The following PTPN14 variants were observed in gnomAD, a reference collection of about 807,000 sequenced individuals.
PTPN14 encodes the protein tyrosine-protein phosphatase non-receptor type 14.
In PTPN14, 53 loss-of-function variants were observed where a neutral mutation model predicts 126.8. That is an observed-to-expected ratio of 0.42 (90% CI 0.34 to 0.53). The LOEUF is 0.53. Among genes scored for constraint, PTPN14 ranks in the 20% least tolerant of loss-of-function variants. The pLI is 0.08. For synonymous variants in PTPN14, 630 were observed against 599.3 expected, an observed-to-expected ratio of 1.05 and a Z score of -0.75; for missense variants, 1,257 against 1,552.9, an observed-to-expected ratio of 0.81 and a Z score of 3.20.
chr1:214,380,001 C>T (rs751571923), intron 13 of PTPN14, among the ~76,000 whole-genome samples: 1 of 152,242 alleles, frequency 6.6e-6, no homozygotes, highest in African/African-American at 2.4e-5. Context: ...TACCCAAGGA[C>T]TTACCACCAA....
Position 214,386,708 on chromosome 1 carries a change from T to C in PTPN14, c.1066+136A>G, listed in dbSNP as rs12058304. 11,590 of 938,944 alleles carry C rather than the reference T, an allele frequency of 0.012. 838 individuals carry two copies. The African/African-American group carries it at 0.16, about 13-fold the overall frequency. 58.2% of individuals were successfully genotyped at this position (938,944 alleles called of 1,614,324 possible). On this transcript the variant is annotated intron_variant, in intron 12 of 18. Coordinates refer to ENST00000366956, the MANE Select transcript of PTPN14 (RefSeq NM_005401.5). ...GTCTAGGCCTTCCACAAACTGAAGC[T>C]GTTAGCTACTGTCATTCAGACGATG... is the stretch of plus-strand genomic sequence containing the variant.
rs1277246625 is a variant in PTPN14 at position 214,352,533 on chromosome 1, G to A, written c.*5389C>T. On this transcript the variant is annotated 3_prime_UTR_variant, in exon 19 of 19. Transcript: ENST00000366956. ...CCACATTTCTCCCTGGCACGTTGCT[G>A]TTACTTTCAACAGACGCCATCTGTA... The A allele has an allele frequency of 2.6e-5, 4 of 152,112 alleles. No homozygotes were observed. The highest frequency in any genetic ancestry group is 5.9e-5 in the Non-Finnish European group (4 of 68,040). 9.4% of individuals were successfully genotyped at this position (152,112 alleles called of 1,614,324 possible).
rs1480800267 is a variant in PTPN14 at position 214,392,183 on chromosome 1, GGAGAGAGAGAAA to G, written c.930-1150_930-1139del. Among the ~76,000 whole-genome samples the G allele has an allele frequency of 2.6e-5, 4 of 151,952 alleles. No individual in the cohort carries two copies. The East Asian group carries it at 7.7e-4, about 29-fold the overall frequency. ...TGAACTGCATATGGAATTTAATGGG[GGAGAGAGAGAAA>G]GAGAGAGAGAGAGCGAGAGAGAGTA... On this transcript the variant is annotated intron_variant, in intron 10 of 18. Transcript: ENST00000366956.
At chr1:214,392,185 A>G (rs2102550801) in intron 10 of PTPN14, among the ~76,000 whole-genome samples, 1 of 152,128 alleles carries the variant, frequency 6.6e-6, no homozygotes, top group African/African-American at 2.4e-5. Context: ...TTAATGGGGG[A>G]GAGAGAGAAA....
intron 3 of PTPN14, among the ~76,000 whole-genome samples, chr1:214,449,847 A>T (rs1355287957): frequency 2.0e-5 from 1 of 48,920 alleles, no homozygotes; most frequent in African/African-American, 5.0e-5. Context: ...AAATAAAAAT[A>T]AAAAAAAAAG....
intron 1 of PTPN14, among the ~76,000 whole-genome samples, chr1:214,514,395 G>A (rs1189164897): frequency 2.0e-5 from 3 of 152,116 alleles, no homozygotes; most frequent in Non-Finnish European, 2.9e-5. Context: ...CCACCATCCC[G>A]TAGATGCAGC....
intron 1 of PTPN14, chr1:214,532,993 G>A (rs1369376087): frequency 1.3e-6 from 1 of 759,738 alleles, no homozygotes; most frequent in African/African-American, 1.7e-5. Context: ...GTGCTGGTCT[G>A]AGCGGACTGA....
At chr1:214,495,607 TA>T (rs1247318919) in intron 1 of PTPN14, among the ~76,000 whole-genome samples, 2 of 152,146 alleles carry the variant, frequency 1.3e-5, no homozygotes, top group African/African-American at 4.8e-5. Context: ...ATTATCAAAT[TA>T]AGATGGGGGA....
At chr1:214,367,623 A>C (rs1016645922) in intron 17 of PTPN14, among the ~76,000 whole-genome samples, 8 of 152,186 alleles carry the variant, frequency 5.3e-5, no homozygotes, top group Admixed American at 2.0e-4. Flanking sequence ...CTGGAGAGTC[A>C]ACAACAGAGC....
chr1:214,433,706 T>C (rs1380851796), intron 3 of PTPN14, among the ~76,000 whole-genome samples: 2 of 151,968 alleles, frequency 1.3e-5, no homozygotes, highest in Non-Finnish European at 2.9e-5. Context: ...ATATTCAATA[T>C]ATAAACGAAT....
At chr1:214,442,417 C>G (rs1386938384) in intron 3 of PTPN14, among the ~76,000 whole-genome samples, 1 of 152,094 alleles carries the variant, frequency 6.6e-6, no homozygotes, top group African/African-American at 2.4e-5. Flanking sequence ...TTTTGGTAAA[C>G]TTTGTTTTTC....
intron 1 of PTPN14, among the ~76,000 whole-genome samples, chr1:214,511,256 T>G (rs1163060868): frequency 1.1e-4 from 16 of 152,132 alleles, no homozygotes; most frequent in Non-Finnish European, 2.1e-4. Flanking sequence ...GCAATCACCT[T>G]GAGAAGACTT....
At chr1:214,534,359 T>C (rs1382730862) in intron 1 of PTPN14, among the ~76,000 whole-genome samples, 1 of 152,084 alleles carries the variant, frequency 6.6e-6, no homozygotes, top group Non-Finnish European at 1.5e-5. Flanking sequence ...TAGTTAAAAT[T>C]GGGGAAAATC....
intron 1 of PTPN14, among the ~76,000 whole-genome samples, chr1:214,502,079 A>C (rs866219649): frequency 1.1e-4 from 16 of 150,280 alleles, no homozygotes; most frequent in African/African-American, 3.8e-4. Context: ...AAAAAAAAAA[A>C]AAAGGTTATT....
At chr1:214,506,606 A>C (rs1654849817) in intron 1 of PTPN14, among the ~76,000 whole-genome samples, 1 of 152,168 alleles carries the variant, frequency 6.6e-6, no homozygotes, top group Admixed American at 6.5e-5. Context: ...AAAACCTTTA[A>C]TTGGATGTGA....
intron 11 of PTPN14, among the ~76,000 whole-genome samples, chr1:214,388,707 C>A (rs1298734081): frequency 6.6e-6 from 1 of 152,142 alleles, no homozygotes; most frequent in Non-Finnish European, 1.5e-5. Context: ...CGTGCCCAGC[C>A]AATCTCTTAT....
Position 214,371,940 on chromosome 1 carries a change from T to C in PTPN14, c.3036+771A>G, listed in dbSNP as rs1658228223. ...GCTAGGAAAGGCCACTGCAATACCA[T>C]GGATATTGGTAAACACACATGAAAC... On this transcript the variant is annotated intron_variant, in intron 16 of 18. Transcript: ENST00000366956. Among the ~76,000 whole-genome samples the C allele has an allele frequency of 2.0e-5, 3 of 152,294 alleles. No homozygotes were observed. In the South Asian group the frequency reaches 6.2e-4, roughly 32 times the overall value.
intron 1 of PTPN14, among the ~76,000 whole-genome samples, chr1:214,475,089 T>C (rs886279366): frequency 6.6e-6 from 1 of 152,194 alleles, no homozygotes; most frequent in Non-Finnish European, 1.5e-5. Context: ...GACAGGTATG[T>C]CAGGGGTCTC....
chr1:214,378,012 A>C lies in PTPN14; in HGVS notation c.2635T>G (p.Ser879Ala). ...TCAACTCGATTCTCTTCCCGCCCTG[A>C]GACTCGAGCCACCGAGAGCCCATTC... ...ALNGLSVARV[S>A]GREENRVDAT... Residue 879 changes from serine to alanine, a missense_variant, in exon 14 of 19, where the codon TCA becomes GCA. Ser to Ala is a moderately conservative substitution (Grantham distance 99, BLOSUM62 1). This residue lies in a region of PTPN14 where 1,021 missense variants were observed against 1,183.3 expected (regional missense o/e 0.86). Coordinates refer to ENST00000366956, the MANE Select transcript of PTPN14 (RefSeq NM_005401.5). 6.2e-7 allele frequency: 1 copy of C among 1,613,328 alleles called. No homozygotes were observed.
Sources: allele counts gnomAD v4.1 joint callset (sites outside exome capture counted in the v4.1 genomes callset), GRCh38; gene constraint gnomAD v4.1.1; regional missense constraint gnomAD v4.1.1; transcripts MANE v1.5; gene names NCBI Gene and HGNC (gene_info 2026-07-23, HGNC 2026-07-21).